The following DLGAP1 variants were observed in gnomAD, a reference collection of about 807,000 sequenced individuals.
DLGAP1 encodes the protein disks large-associated protein 1.
DLGAP1 carries 11 observed loss-of-function variants against 90.8 expected under a neutral mutation model. That is an observed-to-expected ratio of 0.12 (90% CI 0.08 to 0.20). The LOEUF is 0.20. DLGAP1 is among the 10% of genes least tolerant of loss of function. The pLI, the probability that DLGAP1 is intolerant of heterozygous loss-of-function variation, is 1.00. For synonymous variants in DLGAP1, 558 were observed against 540.7 expected (o/e 1.03, Z -0.44); for missense variants, 1,050 against 1,333.8 (o/e 0.79, Z 3.31).
intron 7 of DLGAP1, 94 bp from the exon 8 acceptor site, chr18:3,582,342 A>G (rs1423725243): frequency 6.6e-7 from 1 of 1,513,246 alleles, no homozygotes; most frequent in African/African-American, 1.4e-5. Context: ...AGGGCACATG[A>G]AACACACTGA....
At chr18:4,360,879 C>T (rs1207012638) in intron 1 of DLGAP1, among the ~76,000 whole-genome samples, 2 of 151,956 alleles carry the variant, frequency 1.3e-5, no homozygotes, top group Non-Finnish European at 2.9e-5. Flanking sequence ...ACTCAGGAGG[C>T]CGAAGCAGGA....
intron 8 of DLGAP1, chr18:3,580,582 G>A (rs2055436597): frequency 1.9e-6 from 3 of 1,587,294 alleles, no homozygotes; most frequent in Non-Finnish European, 2.6e-6. Context: ...GGGAGGAGGT[G>A]CCCATGGAGA....
intron 1 of DLGAP1, among the ~76,000 whole-genome samples, chr18:4,380,951 C>T (rs2082102451): frequency 6.6e-6 from 1 of 152,138 alleles, no homozygotes; most frequent in Admixed American, 6.6e-5. Context: ...AGATGTATTA[C>T]AGTGTGAGGC....
At chr18:3,724,750 A>G (rs996424379) in intron 7 of DLGAP1, among the ~76,000 whole-genome samples, 5 of 152,128 alleles carry the variant, frequency 3.3e-5, no homozygotes, top group African/African-American at 1.2e-4. Flanking sequence ...AAATGAAAAA[A>G]AAATTAGCCA....
At chr18:3,868,091 A>C (rs921964867) in intron 4 of DLGAP1, among the ~76,000 whole-genome samples, 1 of 152,156 alleles carries the variant, frequency 6.6e-6, no homozygotes, top group South Asian at 2.1e-4. Context: ...GTAAGCAGGG[A>C]AAATCAGCTA....
At chr18:3,860,748 G>C (rs1286077555) in intron 4 of DLGAP1, among the ~76,000 whole-genome samples, 2 of 152,210 alleles carry the variant, frequency 1.3e-5, no homozygotes, top group African/African-American at 4.8e-5. Flanking sequence ...GGACTTTGCA[G>C]ATGGAATTAA....
intron 1 of DLGAP1, among the ~76,000 whole-genome samples, chr18:4,419,603 T>C (rs2082981956): frequency 1.3e-5 from 2 of 152,118 alleles, no homozygotes; most frequent in Non-Finnish European, 2.9e-5. Flanking sequence ...TGTATGTTTG[T>C]AGCATATTTC....
intron 1 of DLGAP1, among the ~76,000 whole-genome samples, chr18:4,302,996 T>C (rs79631065): frequency 0.053 from 8,074 of 152,254 alleles, 679 homozygotes; most frequent in African/African-American, 0.17. Flanking sequence ...GGATTCTCTG[T>C]GTAATTTTAT....
intron 7 of DLGAP1, among the ~76,000 whole-genome samples, chr18:3,620,396 G>T (rs924419883): frequency 2.6e-5 from 4 of 151,994 alleles, no homozygotes; most frequent in Admixed American, 1.3e-4. Context: ...CAGCCCTGCC[G>T]ACCCATTTCT....
chr18:3,674,309 A>ATATATATATATATATATG (rs1555624007), intron 7 of DLGAP1, among the ~76,000 whole-genome samples: 2 of 140,514 alleles, frequency 1.4e-5, no homozygotes, highest in African/African-American at 5.7e-5. Flanking sequence ...ATATATATAT[A>ATATATATATATATATATG]TATGTATATT....
intron 1 of DLGAP1, among the ~76,000 whole-genome samples, chr18:4,362,515 C>T (rs1250326126): frequency 6.6e-6 from 1 of 152,130 alleles, no homozygotes; most frequent in Middle Eastern, 3.2e-3. Flanking sequence ...ATGTGATGTA[C>T]TTAGCGTATT....
intron 7 of DLGAP1, among the ~76,000 whole-genome samples, chr18:3,657,727 C>G (rs1032614708): frequency 1.3e-4 from 20 of 151,848 alleles, no homozygotes. Context: ...CTCAGCCTCC[C>G]GAATAGCTGG....
At chr18:3,620,810 G>A (rs1165301352) in intron 7 of DLGAP1, among the ~76,000 whole-genome samples, 2 of 152,070 alleles carry the variant, frequency 1.3e-5, no homozygotes, top group Non-Finnish European at 2.9e-5. Context: ...CGCCCACCTC[G>A]GCCTCCCAAA....
chr18:4,184,142 T>G (rs1039317881), intron 1 of DLGAP1, among the ~76,000 whole-genome samples: 2 of 152,178 alleles, frequency 1.3e-5, no homozygotes, highest in African/African-American at 2.4e-5. Flanking sequence ...ACATTGGGTC[T>G]AACATAATTA....
intron 4 of DLGAP1, among the ~76,000 whole-genome samples, chr18:3,863,441 A>C (rs1408556456): frequency 6.6e-6 from 1 of 152,194 alleles, no homozygotes; most frequent in Admixed American, 6.5e-5. Flanking sequence ...CAGGTGTTAT[A>C]ATCTGGAGAT....
chr18:3,599,554 A>C (rs2056782666), intron 7 of DLGAP1, among the ~76,000 whole-genome samples: 1 of 152,170 alleles, frequency 6.6e-6, no homozygotes, highest in African/African-American at 2.4e-5. Flanking sequence ...GTGGCAATGG[A>C]GTGGTGACAG....
chr18:4,188,656 T>C (rs566685529), intron 1 of DLGAP1, among the ~76,000 whole-genome samples: 74 of 152,296 alleles, frequency 4.9e-4, no homozygotes, highest in African/African-American at 1.7e-3. Flanking sequence ...CATTCTTTCT[T>C]AAGGCTGCAT....
Position 4,230,164 on chromosome 18 carries a change from C to A in DLGAP1, c.-266-78877G>T, listed in dbSNP as rs148246665. ...AGATGAGGATGTGGAGAAAAGGGAA[C>A]CCTCATACACTGTTGGTAGCAATGT... On this transcript the variant is annotated intron_variant, in intron 1 of 12. Transcript: ENST00000315677. 2.8e-3 allele frequency among the ~76,000 whole-genome samples: 422 copies of A among 152,136 alleles called. 2 individuals are homozygous for A. Among genetic ancestry groups the A allele is most frequent in the African/African-American group, 9.8e-3 (407 of 41,534 alleles).
At chr18:4,074,002 A>G (rs2075488434) in intron 2 of DLGAP1, among the ~76,000 whole-genome samples, 1 of 152,184 alleles carries the variant, frequency 6.6e-6, no homozygotes, top group South Asian at 2.1e-4. Flanking sequence ...TTCATAGCCT[A>G]TATATGAGCA....
Sources: gnomAD v4.1 joint callset for allele counts (sites outside exome capture counted in the v4.1 genomes callset) on GRCh38, gnomAD v4.1.1 for gene constraint, MANE v1.5 for transcripts, NCBI Gene and HGNC (gene_info 2026-07-23, HGNC 2026-07-21) for gene names.